The following MCU variants were observed in gnomAD, a reference collection of about 807,000 sequenced individuals.
The protein encoded by MCU is mitochondrial calcium uniporter, also known as calcium uniporter protein, mitochondrial.
A neutral mutation model predicts 45.2 loss-of-function variants in MCU; 12 were observed. That is an observed-to-expected ratio of 0.27 (90% CI 0.17 to 0.43). MCU has a LOEUF of 0.43. Ranked by LOEUF, MCU falls within the 20% of genes least tolerant of loss-of-function variation. The pLI is 1.00. For missense variants in MCU, 324 were observed against 436.7 expected, an observed-to-expected ratio of 0.74 and a Z score of 2.30; for synonymous variants, 160 against 165.1, an observed-to-expected ratio of 0.97 and a Z score of 0.24.
chr10:72,878,104 A>G (rs1845643940), intron 6 of MCU, among the ~76,000 whole-genome samples: 1 of 147,410 alleles, frequency 6.8e-6, no homozygotes, highest in Non-Finnish European at 1.5e-5. Context: ...TTCTACAAAT[A>G]ATTTTGCTTT....
chr10:72,810,260 G>C (rs1227243094), intron 1 of MCU, among the ~76,000 whole-genome samples: 1 of 152,078 alleles, frequency 6.6e-6, no homozygotes, highest in East Asian at 1.9e-4. Context: ...TTGGAGAAGA[G>C]AGGAATTGTG....
In MCU at chr10:72,887,139, A is replaced by G. The variant is rs956819898; in HGVS notation, c.*1317A>G. 2 of 152,412 alleles carry G rather than the reference A, an allele frequency of 1.3e-5. No individual in the cohort carries two copies. Among genetic ancestry groups the G allele is most frequent in the African/African-American group, 4.8e-5 (2 of 41,402 alleles). 9.4% of individuals were successfully genotyped at this position (152,412 alleles called of 1,614,324 possible). A position where few individuals can be genotyped will look rare whatever the true frequency, so the allele number is the denominator to read the frequency against. ...AAAGGATGATGGGGGCTGCCACACC[A>G]CTGATTGGCCTTTTCTTTCACGTGA... is the stretch of plus-strand genomic sequence containing the variant. On this transcript the variant is annotated 3_prime_UTR_variant, in exon 8 of 8. Transcript: ENST00000373053.
rs188439939 is a variant in MCU, at chr10:72,809,252, A to C, written c.151-25107A>C. Among the ~76,000 whole-genome samples the C allele has an allele frequency of 5.9e-5, 9 of 152,358 alleles. No individual in the cohort carries two copies. In the East Asian group the frequency reaches 1.7e-3, roughly 29 times the overall value. Reference sequence around the variant, plus strand: ...CAACATCTGGATTTATCTAAACAGAAACTAAGACTTGAGGCAGTCAGTGGA... The same window carrying C: ...CAACATCTGGATTTATCTAAACAGACACTAAGACTTGAGGCAGTCAGTGGA... On this transcript the variant is annotated intron_variant, in intron 1 of 7. Transcript: ENST00000373053.
chr10:72,872,191 A>G (rs1845552103), intron 6 of MCU, among the ~76,000 whole-genome samples: 1 of 152,160 alleles, frequency 6.6e-6, no homozygotes, highest in African/African-American at 2.4e-5. Context: ...CATGTATACA[A>G]CATATATACA....
chr10:72,708,681 C>T (rs1212670248), intron 1 of MCU, among the ~76,000 whole-genome samples: 2 of 152,160 alleles, frequency 1.3e-5, no homozygotes, highest in African/African-American at 2.4e-5. Flanking sequence ...ATCTTGTTCT[C>T]TGTGCCCAGA....
intron 1 of MCU, among the ~76,000 whole-genome samples, chr10:72,804,395 C>A (rs569335911): frequency 1.3e-5 from 2 of 151,898 alleles, no homozygotes; most frequent in Non-Finnish European, 2.9e-5. Context: ...GGACAATTTA[C>A]CTATTTTTAA....
intron 1 of MCU, chr10:72,712,413 G>A (rs1380350759): frequency 3.9e-5 from 6 of 152,166 alleles, no homozygotes; most frequent in African/African-American, 1.4e-4. Context: ...AGCTCGTGGG[G>A]GATTGAGCTG....
intron 1 of MCU, among the ~76,000 whole-genome samples, chr10:72,718,040 A>C (rs1456981832): frequency 1.3e-5 from 2 of 152,222 alleles, no homozygotes; most frequent in Non-Finnish European, 2.9e-5. Flanking sequence ...TATTAACTAA[A>C]GTCCATACTG....
At chr10:72,862,068 G>A (rs917324451) in intron 4 of MCU, among the ~76,000 whole-genome samples, 8 of 147,192 alleles carry the variant, frequency 5.4e-5, no homozygotes, top group Admixed American at 1.4e-4. Context: ...TGCAAGTTCC[G>A]CCTCCCAGGT....
chr10:72,876,616 C>T (rs1845619328), intron 6 of MCU, among the ~76,000 whole-genome samples: 1 of 152,204 alleles, frequency 6.6e-6, no homozygotes, highest in Admixed American at 6.5e-5. Context: ...TCAAGATCCC[C>T]ATCCCACCCT....
chr10:72,791,772 T>C (rs1485870940), intron 1 of MCU, among the ~76,000 whole-genome samples: 1 of 152,054 alleles, frequency 6.6e-6, no homozygotes, highest in Non-Finnish European at 1.5e-5. Flanking sequence ...ATTAATTACA[T>C]GAACTTATTT....
At chr10:72,750,737 G>C (rs968440045) in intron 1 of MCU, among the ~76,000 whole-genome samples, 1 of 152,152 alleles carries the variant, frequency 6.6e-6, no homozygotes. Flanking sequence ...ATGCAGAACA[G>C]TTTCATTGCC....
At chr10:72,876,407 C>T (rs1398299089) in intron 6 of MCU, among the ~76,000 whole-genome samples, 2 of 152,214 alleles carry the variant, frequency 1.3e-5, no homozygotes, top group Non-Finnish European at 2.9e-5. Context: ...TGCTACCATC[C>T]CTGCCCTTTT....
intron 1 of MCU, among the ~76,000 whole-genome samples, chr10:72,817,043 A>C (rs1246145044): frequency 1.3e-5 from 2 of 152,342 alleles, no homozygotes; most frequent in East Asian, 3.9e-4. Flanking sequence ...CTTAAAATTC[A>C]TGTAATCCAG....
At chr10:72,708,228 C>G (rs1244509253) in intron 1 of MCU, 1 of 152,142 alleles carries the variant, frequency 6.6e-6, no homozygotes, top group Non-Finnish European at 1.5e-5. Context: ...GTTCATTATG[C>G]CTTTAGTCTC....
intron 1 of MCU, among the ~76,000 whole-genome samples, chr10:72,823,771 A>G (rs1300570714): frequency 6.6e-6 from 1 of 152,202 alleles, no homozygotes; most frequent in East Asian, 1.9e-4. Context: ...AAGACAAGTA[A>G]GACTTAGGGC....
chr10:72,740,983 A>T (rs1474542450), intron 1 of MCU, among the ~76,000 whole-genome samples: 3 of 152,142 alleles, frequency 2.0e-5, no homozygotes, highest in African/African-American at 4.8e-5. Flanking sequence ...ATATTTACTT[A>T]GTCATGCATT....
At chr10:72,869,538 A>G (rs150652214) in intron 5 of MCU, among the ~76,000 whole-genome samples, 6,280 of 152,334 alleles carry the variant, frequency 0.041, 420 homozygotes, top group African/African-American at 0.14. Context: ...CAGTGAGCCA[A>G]AATTGCACCA....
intron 2 of MCU, among the ~76,000 whole-genome samples, chr10:72,849,275 CAA>C (rs60515928): frequency 0.52 from 57,271 of 109,150 alleles, 13,664 homozygotes; most frequent in Non-Finnish European, 0.63. Flanking sequence ...AGCAAGACTC[CAA>C]AAAAAAAAAA....
Sources: allele counts gnomAD v4.1 joint callset (sites outside exome capture counted in the v4.1 genomes callset), GRCh38; gene constraint gnomAD v4.1.1; transcripts MANE v1.5; gene names NCBI Gene and HGNC (gene_info 2026-07-23, HGNC 2026-07-21).